Variants in DTNA observed in about 807,000 individuals in gnomAD.
DTNA encodes the protein dystrophin-related protein 3.
In DTNA, 43 loss-of-function variants were observed where a neutral mutation model predicts 100.7. The ratio of observed to expected loss-of-function variants is 0.43; its 90% CI spans 0.33 to 0.55. The LOEUF (loss-of-function observed/expected upper bound fraction) is 0.55, where lower values mean the gene tolerates loss of function less well. Among genes scored for constraint, DTNA ranks in the 20% least tolerant of loss-of-function variants. DTNA has a pLI of 0.04. For synonymous variants in DTNA, 349 were observed against 347.9 expected (o/e 1.00, Z -0.04); for missense variants, 798 against 953.9 (o/e 0.84, Z 2.15).
At chr18:34,650,755 T>G (rs375602431) in intron 1 of DTNA, among the ~76,000 whole-genome samples, 4 of 152,166 alleles carry the variant, frequency 2.6e-5, no homozygotes, top group Admixed American at 2.0e-4. Context: ...CCCTTTGTCC[T>G]GCTAAAACCA....
intron 1 of DTNA, among the ~76,000 whole-genome samples, chr18:34,630,141 GC>G (rs1191748264): frequency 6.6e-6 from 1 of 152,024 alleles, no homozygotes; most frequent in Non-Finnish European, 1.5e-5. Flanking sequence ...GAGTTCAGAA[GC>G]CAGTACATTT....
chr18:34,746,786 T>G (rs1056163461), intron 1 of DTNA, among the ~76,000 whole-genome samples: 1 of 152,110 alleles, frequency 6.6e-6, no homozygotes, highest in African/African-American at 2.4e-5. Context: ...TTTCCACCCA[T>G]GCCAATCTGC....
intron 1 of DTNA, among the ~76,000 whole-genome samples, chr18:34,738,808 AG>A (rs1360747710): frequency 6.6e-6 from 1 of 152,216 alleles, no homozygotes; most frequent in African/African-American, 2.4e-5. Context: ...ACATTAATGA[AG>A]GATTAGTGCA....
intron 1 of DTNA, among the ~76,000 whole-genome samples, chr18:34,516,411 G>A (rs35982920): frequency 0.052 from 7,964 of 152,108 alleles, 280 homozygotes; most frequent in Non-Finnish European, 0.079. Flanking sequence ...CACTGGGCAC[G>A]CGTTATCATT....
chr18:34,539,116 T>C (rs1008429375), intron 1 of DTNA, among the ~76,000 whole-genome samples: 2 of 151,944 alleles, frequency 1.3e-5, no homozygotes, highest in African/African-American at 4.8e-5. Context: ...ATTGGCAAAA[T>C]ATTTAAAATG....
chr18:34,815,201 ATT>A (rs911104016), intron 6 of DTNA, among the ~76,000 whole-genome samples: 1 of 152,102 alleles, frequency 6.6e-6, no homozygotes, highest in African/African-American at 2.4e-5. Flanking sequence ...ATAAATATGT[ATT>A]TTTTTATTTA....
chr18:34,790,051 C>T (rs751359225), intron 3 of DTNA, among the ~76,000 whole-genome samples: 13 of 152,184 alleles, frequency 8.5e-5, no homozygotes, highest in Non-Finnish European at 1.6e-4. Flanking sequence ...ATGACTATGC[C>T]TTATTGCATT....
At chr18:34,651,513 A>G (rs1451996523) in intron 1 of DTNA, among the ~76,000 whole-genome samples, 2 of 152,126 alleles carry the variant, frequency 1.3e-5, no homozygotes, top group Admixed American at 6.6e-5. Flanking sequence ...CATTGCTAAG[A>G]CTCATTTCTG....
intron 1 of DTNA, among the ~76,000 whole-genome samples, chr18:34,556,239 C>T (rs1339966336): frequency 1.3e-5 from 2 of 151,828 alleles, no homozygotes; most frequent in African/African-American, 4.8e-5. Context: ...CTTCCTCCAT[C>T]CTTTTATTTT....
chr18:34,811,753 T>C (rs756296615), intron 5 of DTNA, among the ~76,000 whole-genome samples: 19 of 152,200 alleles, frequency 1.2e-4, no homozygotes, highest in Admixed American at 2.0e-4. Context: ...TTACTTGTGA[T>C]TGCTATGTGC....
intron 3 of DTNA, among the ~76,000 whole-genome samples, chr18:34,771,458 C>T (rs545254656): frequency 6.6e-6 from 1 of 151,808 alleles, no homozygotes; most frequent in Non-Finnish European, 1.5e-5. Flanking sequence ...TGAGATCGTG[C>T]CACTGCACTC....
At position 34,768,347 on chromosome 18, in the gene DTNA, GAAAGGA is replaced by G. The variant is rs199630352; in HGVS notation, c.148+2321_148+2326del. Among the ~76,000 whole-genome samples the G allele has an allele frequency of 7.0e-3, 1,063 of 152,148 alleles. 8 individuals are homozygous for G. Among genetic ancestry groups the G allele is most frequent in the Admixed American group, 9.5e-3 (145 of 15,274 alleles). On this transcript the variant is annotated intron_variant, in intron 3 of 22. Coordinates refer to ENST00000444659, the MANE Select transcript of DTNA (RefSeq NM_001386795.1). ...AAAAAAGGAAAACAAAGAAAAGAAA[GAAAGGA>G]AAAGGAAAAGGAAAGGAAGGAAGGG...
Position 34,820,846 on chromosome 18 carries a change from C to T in DTNA, c.932C>T (p.Ser311Phe). ...NALSKSLSCA[S>F]SREPLHPMFP... is the part of the protein sequence containing the mutation. ...TTAAGCAAGTCCCTGAGCTGTGCTT[C>T]CAGCCGTGAACCTTTGCACCCCATG... The change falls in exon 9 of 23, where the codon TCC (serine) becomes TTC (phenylalanine). Residue 311 changes from serine to phenylalanine, a missense_variant. Coordinates refer to ENST00000444659, the MANE Select transcript of DTNA (RefSeq NM_001386795.1). The T allele has an allele frequency of 6.2e-7, 1 of 1,614,152 alleles. No homozygotes were observed. The highest frequency in any genetic ancestry group is 8.5e-7 in the Non-Finnish European group (1 of 1,180,016).
At chr18:34,840,904 A>T (rs1040566141) in intron 13 of DTNA, among the ~76,000 whole-genome samples, 16 of 152,036 alleles carry the variant, frequency 1.1e-4, no homozygotes, top group Admixed American at 1.0e-3. Context: ...TCATGGTTCT[A>T]TAAGTAATGT....
chr18:34,615,359 C>T (rs961332862), intron 1 of DTNA, among the ~76,000 whole-genome samples: 1 of 152,122 alleles, frequency 6.6e-6, no homozygotes, highest in Non-Finnish European at 1.5e-5. Context: ...TTGGGGATTA[C>T]ATTTCAATGT....
At chr18:34,736,276 A>G (rs906027875) in intron 1 of DTNA, among the ~76,000 whole-genome samples, 1 of 152,162 alleles carries the variant, frequency 6.6e-6, no homozygotes, top group Non-Finnish European at 1.5e-5. Flanking sequence ...TGCGTGCACT[A>G]TTTGTCATTT....
chr18:34,808,870 C>T (rs985538869), intron 5 of DTNA, among the ~76,000 whole-genome samples: 2 of 152,154 alleles, frequency 1.3e-5, no homozygotes, highest in African/African-American at 4.8e-5. Flanking sequence ...CCCACAATAT[C>T]ACAGATTCTG....
At position 34,815,965 on chromosome 18, in the gene DTNA, G is replaced by T. The variant is rs1031348434; in HGVS notation, c.660G>T (p.Gln220His). The T allele has an allele frequency of 3.5e-5, 57 of 1,613,774 alleles. No individual in the cohort carries two copies. Among genetic ancestry groups the T allele is most frequent in the Non-Finnish European group, 4.7e-5 (55 of 1,179,814 alleles). The change falls in exon 7 of 23, where the codon CAG (glutamine) becomes CAT (histidine). Residue 220 changes from glutamine (Q) to histidine (H), a missense_variant. By Grantham distance (24) the Gln-to-His change is conservative. Around this residue, in one of 6 missense-constraint regions of DTNA, gnomAD observed 81 missense variants for 153.5 expected, o/e 0.53. Transcript: ENST00000444659. ...LDTLMSDPPP[Q>H]CLVWLPLLHR... ...CGCTTATGTCAGATCCTCCCCCGCA[G>T]TGTCTGGTCTGGTTGCCTCTTCTGC...
intron 1 of DTNA, among the ~76,000 whole-genome samples, chr18:34,693,303 A>C (rs1469095587): frequency 1.3e-5 from 2 of 152,156 alleles, no homozygotes; most frequent in Non-Finnish European, 2.9e-5. Flanking sequence ...AGATTATATC[A>C]TAGAGTCATA....
Sources: gnomAD v4.1 joint callset for allele counts (sites outside exome capture counted in the v4.1 genomes callset) on GRCh38, gnomAD v4.1.1 for gene constraint, gnomAD v4.1.1 regional missense constraint, MANE v1.5 for transcripts, NCBI Gene and HGNC (gene_info 2026-07-23, HGNC 2026-07-21) for gene names.